The following PIK3R3 variants were observed in gnomAD, a reference collection of about 807,000 sequenced individuals.
The protein encoded by PIK3R3 is phosphatidylinositol 3-kinase regulatory subunit gamma.
Under a neutral mutation model 62.9 loss-of-function variants are expected in PIK3R3, and 64 were observed. That is an observed-to-expected ratio of 1.02 (90% CI 0.83 to 1.25). The LOEUF (loss-of-function observed/expected upper bound fraction) is 1.25. Ranked by LOEUF, PIK3R3 falls within the 50% of genes most tolerant of loss-of-function variation. The pLI, the probability that PIK3R3 is intolerant of heterozygous loss-of-function variation, is 0.00. For missense variants in PIK3R3, 614 were observed against 561.6 expected (o/e 1.09, Z -0.94); for synonymous variants, 165 against 189.0 (o/e 0.87, Z 1.04).
rs1293691608 is a variant in PIK3R3 at position 46,131,963 on chromosome 1, G to A, written c.-11C>T. On this transcript the variant is annotated 5_prime_UTR_variant, in exon 1 of 10. Transcript: ENST00000262741. Reference sequence around the variant, plus strand: ...CACCGTATTGTACATCGCGCTGTCAGGGGCAGGTCGCCAGGAGATATATAG... The same window carrying A: ...CACCGTATTGTACATCGCGCTGTCAAGGGCAGGTCGCCAGGAGATATATAG... The A allele has an allele frequency of 6.2e-7, 1 of 1,613,294 alleles. No individual in the cohort carries two copies. The highest frequency in any genetic ancestry group is 8.5e-7 in the Non-Finnish European group (1 of 1,179,822).
intron 1 of PIK3R3, among the ~76,000 whole-genome samples, chr1:46,082,803 A>C (rs1041584391): frequency 6.6e-6 from 1 of 152,088 alleles, no homozygotes; most frequent in African/African-American, 2.4e-5. Flanking sequence ...GGTGGCTCAC[A>C]CCTGTAATCC....
intron 1 of PIK3R3, among the ~76,000 whole-genome samples, chr1:46,092,286 T>C (rs111530747): frequency 2.0e-5 from 3 of 152,228 alleles, no homozygotes; most frequent in South Asian, 4.1e-4. Flanking sequence ...AAAAAGGCAA[T>C]TGGTAATTCT....
At chr1:46,165,464 C>T in the PIK3R3 span, among the ~76,000 whole-genome samples, 2 of 151,800 alleles carry the variant, frequency 1.3e-5, no homozygotes, top group Admixed American at 6.6e-5. Flanking sequence ...TGCCACCATG[C>T]CTGGCTAATT....
chr1:46,053,134 C>G (rs567213888), intron 7 of PIK3R3, among the ~76,000 whole-genome samples: 2 of 152,162 alleles, frequency 1.3e-5, no homozygotes. Flanking sequence ...CTGGAAGCAG[C>G]CCTTCCAAAA....
chr1:46,137,113 C>G (rs1399618508), upstream of PIK3R3, among the ~76,000 whole-genome samples: 2 of 152,094 alleles, frequency 1.3e-5, no homozygotes, highest in Non-Finnish European at 2.9e-5. Flanking sequence ...CATGCAGTCA[C>G]TAGTAGCAGA....
chr1:46,104,925 C>CAAAAA (rs757829828), intron 1 of PIK3R3: 451 of 195,586 alleles, frequency 2.3e-3, no homozygotes, highest in Middle Eastern at 8.7e-3. Flanking sequence ...AAGACTCCAT[C>CAAAAA]AAAAAAAAAA....
chr1:46,068,634 A>T (rs1344450173), intron 3 of PIK3R3, among the ~76,000 whole-genome samples: 1 of 152,198 alleles, frequency 6.6e-6, no homozygotes, highest in Admixed American at 6.5e-5. Flanking sequence ...AAGTGAAGTG[A>T]GGGAGCTAGT....
At chr1:46,085,887 A>C (rs944675008) in intron 1 of PIK3R3, among the ~76,000 whole-genome samples, 8 of 152,162 alleles carry the variant, frequency 5.3e-5, no homozygotes, top group African/African-American at 1.9e-4. Flanking sequence ...CCATTTTTAG[A>C]AACTATATTA....
At chr1:46,049,222 A>AT (rs1647192452) in intron 7 of PIK3R3, among the ~76,000 whole-genome samples, 1 of 152,020 alleles carries the variant, frequency 6.6e-6, no homozygotes, top group Non-Finnish European at 1.5e-5. Flanking sequence ...TGGTGTTAGC[A>AT]TATCTTTTCC....
intron 7 of PIK3R3, among the ~76,000 whole-genome samples, chr1:46,050,952 T>G (rs1344279507): frequency 6.6e-6 from 1 of 152,122 alleles, no homozygotes; most frequent in Non-Finnish European, 1.5e-5. Flanking sequence ...CACAAAAGAG[T>G]ACATTTTACA....
intron 1 of PIK3R3, among the ~76,000 whole-genome samples, chr1:46,125,225 C>A (rs72677551): frequency 0.034 from 5,105 of 152,054 alleles, 290 homozygotes; most frequent in African/African-American, 0.12. Context: ...TAGTTGGATA[C>A]ACTATACATT....
Position 46,132,477 on chromosome 1 carries a change from T to A in PIK3R3, c.-525A>T. The A allele has an allele frequency of 8.3e-7, 1 of 1,202,058 alleles. No homozygotes were observed. The highest frequency in any genetic ancestry group is 3.3e-5 in the Admixed American group (1 of 30,650). The allele number at this position is 1,202,058 out of a possible 1,614,324, so 74.5% of individuals were successfully genotyped here. A position where few individuals can be genotyped will look rare whatever the true frequency, so the allele number is the denominator to read the frequency against. On this transcript the variant is annotated 5_prime_UTR_variant, in exon 1 of 10. Coordinates refer to ENST00000262741, the MANE Select transcript of PIK3R3 (RefSeq NM_003629.4). Reference sequence around the variant, plus strand: ...GAGCGAATCCCCCAGAGGCCGGGACTCGGGCTCCTCTCCGGTCGGTCTCGG... The same window carrying A: ...GAGCGAATCCCCCAGAGGCCGGGACACGGGCTCCTCTCCGGTCGGTCTCGG...
At chr1:46,093,501 T>G (rs143304918) in intron 1 of PIK3R3, among the ~76,000 whole-genome samples, 9 of 152,290 alleles carry the variant, frequency 5.9e-5, no homozygotes, top group African/African-American at 2.2e-4. Flanking sequence ...ATCTTTGATA[T>G]GAAAATGCTC....
the PIK3R3 span, among the ~76,000 whole-genome samples, chr1:46,171,602 A>G: frequency 6.6e-6 from 1 of 151,932 alleles, no homozygotes; most frequent in Non-Finnish European, 1.5e-5. Context: ...TTGACCTATT[A>G]GTGACAAGCG....
At chr1:46,057,756 G>A (rs929812985) in intron 6 of PIK3R3, among the ~76,000 whole-genome samples, 1 of 152,252 alleles carries the variant, frequency 6.6e-6, no homozygotes. Context: ...AAGCATTCAA[G>A]AGGTGACGTG....
chr1:46,132,117 T>C lies in PIK3R3; in HGVS notation c.-165A>G, dbSNP rs1655664454. ...CGGCCAAACTACCCGAACAGGGTCC[T>C]CCCCCTCTCTCCTACAGAACACAAC... On this transcript the variant is annotated 5_prime_UTR_variant, in exon 1 of 10. Coordinates refer to ENST00000262741, the MANE Select transcript of PIK3R3 (RefSeq NM_003629.4). 2 of 1,405,280 alleles carry C rather than the reference T, an allele frequency of 1.4e-6. No homozygotes were observed. The highest frequency in any genetic ancestry group is 5.8e-5 in the Admixed American group (2 of 34,574). 87.1% of individuals were successfully genotyped at this position (1,405,280 alleles called of 1,614,324 possible). A position where few individuals can be genotyped will look rare whatever the true frequency, so the allele number is the denominator to read the frequency against.
chr1:46,064,132 G>C (rs1271504676), intron 5 of PIK3R3, among the ~76,000 whole-genome samples: 3 of 152,148 alleles, frequency 2.0e-5, no homozygotes, highest in African/African-American at 7.2e-5. Context: ...AGAATCACTT[G>C]AATCTGGGAG....
the PIK3R3 span, among the ~76,000 whole-genome samples, chr1:46,148,479 T>C: frequency 3.3e-5 from 5 of 152,142 alleles, no homozygotes. Context: ...TCCATATAAC[T>C]GCGAAGTTCT....
At chr1:46,172,967 T>G in the PIK3R3 span, among the ~76,000 whole-genome samples, 1 of 151,600 alleles carries the variant, frequency 6.6e-6, no homozygotes, top group Non-Finnish European at 1.5e-5. Flanking sequence ...CACTCTATCC[T>G]GGGCAACAGA....
Sources: allele counts gnomAD v4.1 joint callset (sites outside exome capture counted in the v4.1 genomes callset), GRCh38; gene constraint gnomAD v4.1.1; transcripts MANE v1.5; gene names NCBI Gene and HGNC (gene_info 2026-07-23, HGNC 2026-07-21).